Variants in SNX25 observed in about 807,000 individuals in gnomAD.
The protein encoded by SNX25 is sorting nexin-25.
In SNX25, 62 loss-of-function variants were observed where a neutral mutation model predicts 113.7. The observed-to-expected ratio is 0.55, with a 90% CI of 0.44 to 0.67. The LOEUF is 0.67. SNX25 is among the 30% of genes least tolerant of loss of function. The pLI, the probability that SNX25 is intolerant of heterozygous loss-of-function variation, is 0.00. For missense variants in SNX25, 1,014 were observed against 1,161.0 expected (o/e 0.87, Z 1.84); for synonymous variants, 421 against 436.2 (o/e 0.97, Z 0.43).
rs987623784 is a variant in SNX25, at chr4:185,273,826, G to A, written c.1091+6671G>A. 2.0e-5 allele frequency among the ~76,000 whole-genome samples: 3 copies of A among 152,124 alleles called. No individual in the cohort carries two copies. The South Asian group carries it at 6.2e-4, about 32-fold the overall frequency. On this transcript the variant is annotated intron_variant, in intron 5 of 18. Coordinates refer to ENST00000652585, the MANE Select transcript of SNX25 (RefSeq NM_001378034.2). Reference sequence around the variant, plus strand: ...AGGTTCATCCACATTGTTGCCAATGGCAGGATTTCCTTCTTTGTTAAGGCT... The same window carrying A: ...AGGTTCATCCACATTGTTGCCAATGACAGGATTTCCTTCTTTGTTAAGGCT...
At chr4:185,290,049 C>CT (rs2126615262) in intron 6 of SNX25, among the ~76,000 whole-genome samples, 1 of 152,238 alleles carries the variant, frequency 6.6e-6, no homozygotes, top group South Asian at 2.1e-4. Context: ...TCACATTGTC[C>CT]TTCTTTTGTA....
chr4:185,363,864 T>G lies in SNX25; in HGVS notation c.*399T>G, dbSNP rs1203882452. On this transcript the variant is annotated 3_prime_UTR_variant, in exon 19 of 19. Transcript: ENST00000652585. The surrounding 1 kb of genome is among the most constrained non-coding windows in gnomAD (Gnocchi z 4.2). The stretch of plus-strand genomic sequence containing the variant: ...TCATGTATATTGAAGAACATTGTTA[T>G]GCAATGCTTTGTGTAAAGTTATTGT... The G allele has an allele frequency of 6.4e-6, 1 of 156,250 alleles. No individual in the cohort carries two copies. Among genetic ancestry groups the G allele is most frequent in the Non-Finnish European group, 1.4e-5 (1 of 70,192 alleles). 9.7% of individuals were successfully genotyped at this position (156,250 alleles called of 1,614,324 possible).
intron 8 of SNX25, among the ~76,000 whole-genome samples, chr4:185,321,738 A>T (rs765964639): frequency 6.6e-5 from 10 of 152,170 alleles, no homozygotes; most frequent in African/African-American, 2.4e-4. Flanking sequence ...TGTGGGTTCT[A>T]TATCTGTAGA....
At chr4:185,231,411 C>G (rs1741840693) in intron 1 of SNX25, among the ~76,000 whole-genome samples, 1 of 149,950 alleles carries the variant, frequency 6.7e-6, no homozygotes, top group Non-Finnish European at 1.5e-5. Context: ...TAACTTGTTT[C>G]TTTTAAGAGC....
chr4:185,339,954 G>GT (rs202124778), intron 11 of SNX25, among the ~76,000 whole-genome samples: 28 of 151,774 alleles, frequency 1.8e-4, no homozygotes, highest in Admixed American at 3.9e-4. Flanking sequence ...TTATTTTGCT[G>GT]TTTTTTTTGA....
Position 185,334,456 on chromosome 4 carries a change from C to G in SNX25, c.1914+1697C>G, listed in dbSNP as rs1274335109. Among the ~76,000 whole-genome samples, 1 of 152,164 alleles carries G rather than the reference C, an allele frequency of 6.6e-6. No homozygotes were observed. The highest frequency in any genetic ancestry group is 1.5e-5 in the Non-Finnish European group (1 of 68,026). ...TTCTCCCCCTTATGTGGAGTCACTC[C>G]CATTTACTACATACAGAACTCGAAA... On this transcript the variant is annotated intron_variant, in intron 10 of 18. Coordinates refer to ENST00000652585, the MANE Select transcript of SNX25 (RefSeq NM_001378034.2). The surrounding 1 kb of genome is among the most constrained non-coding windows in gnomAD (Gnocchi z 4.2).
At chr4:185,268,088 A>G (rs575992456) in intron 5 of SNX25, among the ~76,000 whole-genome samples, 9 of 152,310 alleles carry the variant, frequency 5.9e-5, no homozygotes, top group African/African-American at 1.9e-4. Flanking sequence ...GTTCAAACCT[A>G]TGTTTTTCAA....
intron 3 of SNX25, among the ~76,000 whole-genome samples, chr4:185,263,188 A>G (rs540716834): frequency 1.3e-5 from 2 of 152,256 alleles, no homozygotes; most frequent in Admixed American, 1.3e-4. Flanking sequence ...GTACCGTTTG[A>G]GAGAGATTTT....
intron 8 of SNX25, among the ~76,000 whole-genome samples, chr4:185,321,711 A>G (rs2095121523): frequency 6.6e-6 from 1 of 152,200 alleles, no homozygotes. Context: ...TTATGTATAC[A>G]GTCAGCCTTC....
chr4:185,366,607 A>G (rs1579957096), downstream of SNX25: 1 of 152,216 alleles, frequency 6.6e-6, no homozygotes, highest in Non-Finnish European at 1.5e-5. Flanking sequence ...TAACTTCAGA[A>G]GTAGAAATGC....
intron 3 of SNX25, among the ~76,000 whole-genome samples, chr4:185,259,413 A>C (rs929513412): frequency 1.3e-5 from 2 of 152,198 alleles, no homozygotes; most frequent in Non-Finnish European, 2.9e-5. Flanking sequence ...GTATTTAGAC[A>C]CGTTTAAATA....
At chr4:185,207,064 G>T (rs144496481), upstream of SNX25, among the ~76,000 whole-genome samples, 98 of 152,194 alleles carry the variant, frequency 6.4e-4, no homozygotes, top group Non-Finnish European at 1.2e-3. Context: ...CTGATTGGAC[G>T]GTTGCCCACA....
At chr4:185,377,074 T>C in the SNX25 span, 1 of 1,197,670 alleles carries the variant, frequency 8.3e-7, no homozygotes, top group Middle Eastern at 2.0e-4. Context: ...TTTTCTCTCT[T>C]GAAGTAATGA....
the SNX25 span, chr4:185,378,271 C>T: frequency 1.9e-6 from 3 of 1,573,864 alleles, no homozygotes; most frequent in Admixed American, 3.9e-5. Context: ...CAAAGAGAGA[C>T]TCTATTCCCA....
intron 8 of SNX25, among the ~76,000 whole-genome samples, chr4:185,323,101 C>T (rs1367280696): frequency 6.6e-6 from 1 of 152,086 alleles, no homozygotes. Flanking sequence ...GTGTTTTTCT[C>T]GTTTTTCTGA....
At chr4:185,286,040 AG>A (rs1471528462) in intron 5 of SNX25, among the ~76,000 whole-genome samples, 1 of 151,396 alleles carries the variant, frequency 6.6e-6, no homozygotes, top group East Asian at 1.9e-4. Context: ...AGCCTCCCTA[AG>A]TATTGGGATT....
intron 1 of SNX25, among the ~76,000 whole-genome samples, chr4:185,230,907 C>G (rs1046890182): frequency 1.3e-5 from 2 of 152,022 alleles, no homozygotes; most frequent in African/African-American, 2.4e-5. Context: ...TTGAAGAAAA[C>G]TGATTTAGAA....
chr4:185,285,022 A>C (rs1309044759), intron 5 of SNX25, among the ~76,000 whole-genome samples: 1 of 152,196 alleles, frequency 6.6e-6, no homozygotes, highest in African/African-American at 2.4e-5. Flanking sequence ...GTTTAGCTTG[A>C]ATAGGCTTAG....
intron 11 of SNX25, among the ~76,000 whole-genome samples, chr4:185,341,727 C>T (rs1446160685): frequency 6.6e-6 from 1 of 152,138 alleles, no homozygotes; most frequent in Non-Finnish European, 1.5e-5. Flanking sequence ...GACTTCCTTT[C>T]GTATCACTGG....
Sources: gnomAD v4.1 joint callset for allele counts (sites outside exome capture counted in the v4.1 genomes callset) on GRCh38, gnomAD v4.1.1 for gene constraint, Gnocchi (gnomAD v3.1) non-coding constraint, MANE v1.5 for transcripts, NCBI Gene and HGNC (gene_info 2026-07-23, HGNC 2026-07-21) for gene names.